CTNNA3: variants seen among roughly 807,000 people sequenced by gnomAD.
CTNNA3 encodes catenin alpha 3, also known as catenin alpha-3.
CTNNA3 carries 76 observed loss-of-function variants against 95.7 expected under a neutral mutation model. That is an observed-to-expected ratio of 0.79 (90% confidence interval 0.66 to 0.96). CTNNA3 has a LOEUF of 0.96. Ranked by LOEUF, CTNNA3 falls within the 40% of genes least tolerant of loss-of-function variation. The pLI is 0.00. For missense variants in CTNNA3, 1,191 were observed against 1,089.8 expected (o/e 1.09, Z -1.31); for synonymous variants, 431 against 374.4 (o/e 1.15, Z -1.74).
intron 1 of CTNNA3, among the ~76,000 whole-genome samples, chr10:67,755,801 T>G (rs1217736128): frequency 2.2e-5 from 1 of 46,488 alleles, no homozygotes; most frequent in East Asian, 6.7e-4. Context: ...AGTCTCTGCC[T>G]CAAAAAAAAA....
At chr10:66,626,129 A>G (rs1259362765) in intron 9 of CTNNA3, among the ~76,000 whole-genome samples, 1 of 152,158 alleles carries the variant, frequency 6.6e-6, no homozygotes, top group East Asian at 1.9e-4. Flanking sequence ...TCTAGTATTA[A>G]GTTTTATCTG....
chr10:66,958,390 G>T (rs1020952024), intron 7 of CTNNA3, among the ~76,000 whole-genome samples: 1 of 148,810 alleles, frequency 6.7e-6, no homozygotes, highest in Non-Finnish European at 1.5e-5. Flanking sequence ...ATAGAAAGCA[G>T]ATTTAAACTC....
chr10:66,969,851 A>G (rs1214985887), intron 7 of CTNNA3, among the ~76,000 whole-genome samples: 1 of 152,110 alleles, frequency 6.6e-6, no homozygotes. Context: ...GACCCTCTAT[A>G]TTTCCACAAC....
intron 1 of CTNNA3, among the ~76,000 whole-genome samples, chr10:67,725,931 A>C (rs1014659086): frequency 5.7e-5 from 8 of 140,014 alleles, no homozygotes; most frequent in African/African-American, 2.1e-4. Context: ...ATATATAATT[A>C]TATAATTATT....
chr10:67,479,958 A>C (rs1848155290), intron 5 of CTNNA3, among the ~76,000 whole-genome samples: 1 of 152,160 alleles, frequency 6.6e-6, no homozygotes, highest in Non-Finnish European at 1.5e-5. Flanking sequence ...TATTATGAAC[A>C]CCTCAATGCA....
intron 11 of CTNNA3, among the ~76,000 whole-genome samples, chr10:66,503,696 T>C (rs1052068542): frequency 2.6e-5 from 4 of 152,088 alleles, no homozygotes; most frequent in African/African-American, 9.7e-5. Context: ...CTTGAACTCC[T>C]GACATTGTGA....
intron 5 of CTNNA3, among the ~76,000 whole-genome samples, chr10:67,503,716 G>A (rs1400889832): frequency 2.0e-5 from 3 of 152,014 alleles, no homozygotes; most frequent in Admixed American, 1.3e-4. Flanking sequence ...TTCCATATAT[G>A]CCAACATTCT....
intron 16 of CTNNA3, among the ~76,000 whole-genome samples, chr10:65,988,037 C>A (rs114761124): frequency 1.3e-5 from 2 of 151,740 alleles, no homozygotes; most frequent in African/African-American, 4.8e-5. Flanking sequence ...GGAAGAGTAG[C>A]GGAGAGGGGA....
chr10:66,139,627 G>A (rs4745887), intron 13 of CTNNA3, among the ~76,000 whole-genome samples: 125,142 of 152,116 alleles, frequency 0.82, 51,642 homozygotes, highest in South Asian at 0.92. Context: ...TCTCCTATAT[G>A]TATTTTTATA....
chr10:67,422,723 T>C (rs187978844), intron 5 of CTNNA3, among the ~76,000 whole-genome samples: 262 of 152,238 alleles, frequency 1.7e-3, no homozygotes, highest in African/African-American at 5.9e-3. Context: ...ATGTGCTTGC[T>C]TCCTCTTCAC....
chr10:67,495,241 C>T (rs984963366), intron 5 of CTNNA3, among the ~76,000 whole-genome samples: 1 of 152,124 alleles, frequency 6.6e-6, no homozygotes, highest in African/African-American at 2.4e-5. Flanking sequence ...TTCCCCTGCT[C>T]TCCTCCATGT....
At chr10:66,353,559 G>A (rs1291173458) in intron 12 of CTNNA3, among the ~76,000 whole-genome samples, 1 of 152,046 alleles carries the variant, frequency 6.6e-6, no homozygotes, top group African/African-American at 2.4e-5. Context: ...CTAGTGTGAC[G>A]TGTGTTTCTG....
At chr10:67,736,119 A>G (rs551982856) in intron 1 of CTNNA3, among the ~76,000 whole-genome samples, 1 of 152,208 alleles carries the variant, frequency 6.6e-6, no homozygotes, top group African/African-American at 2.4e-5. Context: ...CCAAAAAAAG[A>G]ATTAAATTCT....
At chr10:67,690,459 T>TAATC (rs1840821599) in intron 1 of CTNNA3, among the ~76,000 whole-genome samples, 1 of 152,186 alleles carries the variant, frequency 6.6e-6, no homozygotes, top group African/African-American at 2.4e-5. Context: ...TCCTGCTGAT[T>TAATC]GGTCCATTTT....
At chr10:66,301,754 T>C (rs2091866465) in intron 12 of CTNNA3, among the ~76,000 whole-genome samples, 1 of 151,924 alleles carries the variant, frequency 6.6e-6, no homozygotes, top group Non-Finnish European at 1.5e-5. Context: ...ATGCCTACAG[T>C]TAACATCATA....
intron 15 of CTNNA3, among the ~76,000 whole-genome samples, chr10:66,024,985 C>A (rs969629665): frequency 3.9e-5 from 6 of 152,160 alleles, no homozygotes; most frequent in Non-Finnish European, 7.4e-5. Context: ...ATAGCAATAT[C>A]TTTTATGTTT....
At chr10:67,332,928 G>A (rs1411400774) in intron 5 of CTNNA3, among the ~76,000 whole-genome samples, 2 of 151,998 alleles carry the variant, frequency 1.3e-5, no homozygotes, top group Non-Finnish European at 2.9e-5. Context: ...GACTCTTTAC[G>A]TCAAGTCTCT....
intron 3 of CTNNA3, among the ~76,000 whole-genome samples, chr10:67,588,449 C>A (rs942988969): frequency 9.2e-5 from 14 of 151,802 alleles, no homozygotes; most frequent in Non-Finnish European, 1.3e-4. Context: ...AGTATGACTT[C>A]TTTGGCTATA....
rs1294872595 is a variant in CTNNA3, at chr10:65,948,230, G to A, written c.2400+18382C>T. ...CGGGAGGCGGAGCTTGCAGTGAGCC[G>A]AGATCATGCCACTGCACTCCAGCCT... On this transcript the variant is annotated intron_variant, in intron 17 of 17. Transcript: ENST00000433211. 3.5e-5 allele frequency among the ~76,000 whole-genome samples: 5 copies of A among 144,314 alleles called. No individual in the cohort carries two copies. In the East Asian group the frequency reaches 8.1e-4, roughly 23 times the overall value. 94.7% of individuals were successfully genotyped at this position (144,314 alleles called of 152,430 possible). A position where few individuals can be genotyped will look rare whatever the true frequency, so the allele number is the denominator to read the frequency against.
Sources: gnomAD v4.1 joint callset for allele counts (sites outside exome capture counted in the v4.1 genomes callset) on GRCh38, gnomAD v4.1.1 for gene constraint, MANE v1.5 for transcripts, NCBI Gene and HGNC (gene_info 2026-07-23, HGNC 2026-07-21) for gene names.